TMEM168: variants seen among roughly 807,000 people sequenced by gnomAD.
The protein encoded by TMEM168 is transmembrane protein 168.
In TMEM168, 40 loss-of-function variants were observed where a neutral mutation model predicts 53.2. The observed-to-expected ratio is 0.75, with a 90% CI of 0.58 to 0.98. The LOEUF is 0.98. TMEM168 is among the 50% of genes least tolerant of loss of function. The pLI, the probability that TMEM168 is intolerant of heterozygous loss-of-function variation, is 0.00. For missense variants in TMEM168, 771 were observed against 828.8 expected (o/e 0.93, Z 0.86); for synonymous variants, 282 against 293.0 (o/e 0.96, Z 0.38).
chr7:112,777,925 TG>T (rs1245318228), intron 2 of TMEM168, among the ~76,000 whole-genome samples: 1 of 129,992 alleles, frequency 7.7e-6, no homozygotes, highest in Non-Finnish European at 1.7e-5. Flanking sequence ...TGTGTGTGTG[TG>T]TGTGTGTGTG....
Position 112,790,359 on chromosome 7 carries a change from G to C in TMEM168, c.-328C>G, listed in dbSNP as rs1793517698. ...GTAAACTTTCTCCGTTACCGGCCCGGCCGCGACCGCCATGTTTCCGCCGCC... is the reference window on the plus strand; with the variant it reads ...GTAAACTTTCTCCGTTACCGGCCCGCCCGCGACCGCCATGTTTCCGCCGCC... On this transcript the variant is annotated 5_prime_UTR_variant, in exon 1 of 5. Transcript: ENST00000312814. 6.6e-6 allele frequency: 1 copy of C among 152,298 alleles called. No individual in the cohort carries two copies. The highest frequency in any genetic ancestry group is 1.5e-5 in the Non-Finnish European group (1 of 68,090). 9.4% of individuals were successfully genotyped at this position (152,298 alleles called of 1,614,324 possible).
intron 1 of TMEM168, chr7:112,788,649 T>C (rs1051639347): frequency 1.3e-5 from 2 of 152,162 alleles, no homozygotes; most frequent in Admixed American, 1.3e-4. Context: ...AAATGGACCA[T>C]AGAGGAGTCA....
intron 4 of TMEM168, among the ~76,000 whole-genome samples, chr7:112,771,634 G>A (rs1359552986): frequency 6.6e-6 from 1 of 152,006 alleles, no homozygotes; most frequent in Non-Finnish European, 1.5e-5. Context: ...AAAAACCTCA[G>A]TTACAAATCT....
chr7:112,781,980 C>T (rs973642167), intron 2 of TMEM168, among the ~76,000 whole-genome samples: 2 of 152,108 alleles, frequency 1.3e-5, no homozygotes, highest in African/African-American at 4.8e-5. Context: ...GTAAACATTT[C>T]CAAATCATTT....
intron 2 of TMEM168, among the ~76,000 whole-genome samples, chr7:112,775,884 C>G (rs865995096): frequency 7.3e-5 from 11 of 150,442 alleles, no homozygotes; most frequent in Admixed American, 4.7e-4. Flanking sequence ...TGTGCAAATT[C>G]AAAATTTTAA....
intron 1 of TMEM168, among the ~76,000 whole-genome samples, chr7:112,787,003 A>G (rs538204074): frequency 4.4e-4 from 67 of 152,312 alleles, no homozygotes; most frequent in African/African-American, 1.3e-3. Flanking sequence ...ATCTAAGGCT[A>G]AACCTTTCAG....
Position 112,773,074 on chromosome 7 carries a change from C to T in TMEM168, c.1272-19G>A. The T allele has an allele frequency of 6.3e-7, 1 of 1,575,550 alleles. No homozygotes were observed. The highest frequency in any genetic ancestry group is 1.2e-5 in the South Asian group (1 of 86,410). ...ATCAGGACTGAAGTAGGAGAAAAAA[C>T]AAGAAGTACTCATTCTATATCACAT... is the stretch of plus-strand genomic sequence containing the variant. On this transcript the variant is annotated intron_variant, in intron 3 of 4. Transcript: ENST00000312814.
At position 112,765,211 on chromosome 7, in the gene TMEM168, A is replaced by C. The variant is rs1792744823; in HGVS notation, c.*1986T>G. The C allele has an allele frequency of 6.6e-6, 1 of 152,200 alleles. No homozygotes were observed. The highest frequency in any genetic ancestry group is 2.4e-5 in the African/African-American group (1 of 41,440). 9.4% of individuals were successfully genotyped at this position (152,200 alleles called of 1,614,324 possible). On this transcript the variant is annotated 3_prime_UTR_variant, in exon 5 of 5. Transcript: ENST00000312814. ...TGGGTAGGAGAATTCATCAAAGTGG[A>C]CATTCTATAAATTTTTGGTTAACAA...
intron 3 of TMEM168, among the ~76,000 whole-genome samples, chr7:112,774,332 A>AT (rs1466121217): frequency 7.8e-6 from 1 of 127,596 alleles, no homozygotes; most frequent in Non-Finnish European, 1.7e-5. Context: ...TTTGTATGGC[A>AT]TTTTTCAGTG....
intron 2 of TMEM168, among the ~76,000 whole-genome samples, chr7:112,777,539 C>CT (rs1793117386): frequency 6.6e-6 from 1 of 152,140 alleles, no homozygotes; most frequent in South Asian, 2.1e-4. Flanking sequence ...ACCATATCCT[C>CT]TGAGTCTTAT....
At chr7:112,768,517 A>G (rs142346955) in intron 4 of TMEM168, among the ~76,000 whole-genome samples, 16 of 152,354 alleles carry the variant, frequency 1.1e-4, no homozygotes, top group Non-Finnish European at 2.1e-4. Context: ...TCAGTTTTAT[A>G]GCTGAAGAAC....
chr7:112,780,943 CAA>C (rs1222902089), intron 2 of TMEM168, among the ~76,000 whole-genome samples: 685 of 59,982 alleles, frequency 0.011, 1 homozygote, highest in Middle Eastern at 0.042. Flanking sequence ...TGATCCGTAT[CAA>C]AAAAAAAAAA....
chr7:112,774,444 G>A (rs1250418075), intron 3 of TMEM168, among the ~76,000 whole-genome samples: 2 of 147,904 alleles, frequency 1.4e-5, no homozygotes, highest in African/African-American at 5.0e-5. Context: ...TACATTTTAG[G>A]CAAAGACAGA....
intron 3 of TMEM168, among the ~76,000 whole-genome samples, chr7:112,774,359 A>ATTTTTTTT (rs558123531): frequency 4.2e-5 from 4 of 94,258 alleles, no homozygotes; most frequent in Non-Finnish European, 6.6e-5. Flanking sequence ...GTGTTTTTAC[A>ATTTTTTTT]TTTTTTTTTT....
Position 112,767,604 on chromosome 7 carries a change from A to G in TMEM168, c.1687T>C (p.Tyr563His). ...AACTCTGCTCCTTGCACTGCAATAT[A>G]CTGGTCATTAATTTTCCTCACTTCT... ...VKEVRKINDQ[Y>H]IAVQGAELIK... Residue 563 changes from tyrosine (Y) to histidine (H), a missense_variant, in exon 5 of 5, where the codon TAT becomes CAT. By Grantham distance (83) the Tyr-to-His change is moderately conservative. Coordinates refer to ENST00000312814, the MANE Select transcript of TMEM168 (RefSeq NM_022484.6). 2 of 1,614,084 alleles carry G rather than the reference A, an allele frequency of 1.2e-6. No homozygotes were observed. Among genetic ancestry groups the G allele is most frequent in the Non-Finnish European group, 1.7e-6 (2 of 1,180,002 alleles).
At position 112,763,815 on chromosome 7, in the gene TMEM168, C is replaced by T. The variant is rs550349388; in HGVS notation, c.*3382G>A. ...ATTTTACTCAAAACAAAAATCTACC[C>T]ACTAATGCATTAAATATAAGTGCAT... On this transcript the variant is annotated 3_prime_UTR_variant, in exon 5 of 5. Coordinates refer to ENST00000312814, the MANE Select transcript of TMEM168 (RefSeq NM_022484.6). The T allele has an allele frequency of 1.3e-4, 20 of 152,148 alleles. No homozygotes were observed. In the East Asian group the frequency reaches 3.5e-3, roughly 26 times the overall value. 9.4% of individuals were successfully genotyped at this position (152,148 alleles called of 1,614,324 possible).
chr7:112,772,754 T>A, intron 4 of TMEM168, 27 bp downstream of exon 4: 1 of 1,602,160 alleles, frequency 6.2e-7, no homozygotes, highest in African/African-American at 1.3e-5. Flanking sequence ...ATCTTTACAA[T>A]AGTGAAACTG....
chr7:112,774,359 ATTTTTTTTTTTT>A (rs558123531), intron 3 of TMEM168, among the ~76,000 whole-genome samples: 7 of 94,258 alleles, frequency 7.4e-5, no homozygotes, highest in African/African-American at 2.3e-4. Flanking sequence ...GTGTTTTTAC[ATTTTTTTTTTTT>A]TTTTTTTTTT....
At chr7:112,789,897 G>A (rs564323357) in intron 1 of TMEM168, among the ~76,000 whole-genome samples, 6 of 152,362 alleles carry the variant, frequency 3.9e-5, no homozygotes, top group African/African-American at 1.4e-4. Context: ...CCGACAAGGA[G>A]CTTGGCTGTT....
Sources: gnomAD v4.1 joint callset for allele counts (sites outside exome capture counted in the v4.1 genomes callset) on GRCh38, gnomAD v4.1.1 for gene constraint, MANE v1.5 for transcripts, NCBI Gene and HGNC (gene_info 2026-07-23, HGNC 2026-07-21) for gene names.